The following CDH13 variants were observed in gnomAD, a reference collection of about 807,000 sequenced individuals.
The protein encoded by CDH13 is cadherin-13.
A neutral mutation model predicts 63.8 loss-of-function variants in CDH13; 24 were observed. The ratio of observed to expected loss-of-function variants is 0.38; its 90% CI spans 0.27 to 0.53. The LOEUF is 0.53. Ranked by LOEUF, CDH13 falls within the 20% of genes least tolerant of loss-of-function variation. CDH13 has a pLI of 0.85. For missense variants in CDH13, 1,049 were observed against 903.1 expected (o/e 1.16, Z -2.07); for synonymous variants, 503 against 355.3 (o/e 1.42, Z -4.67).
At chr16:83,335,900 T>A (rs1428158552) in intron 5 of CDH13, among the ~76,000 whole-genome samples, 1 of 152,120 alleles carries the variant, frequency 6.6e-6, no homozygotes, top group Non-Finnish European at 1.5e-5. Context: ...GAGACAGGAA[T>A]CTTGCCGATG....
chr16:83,473,984 A>C (rs555788627), intron 6 of CDH13, among the ~76,000 whole-genome samples: 1 of 151,460 alleles, frequency 6.6e-6, no homozygotes, highest in Admixed American at 6.6e-5. Context: ...GCTCCCCATC[A>C]CTCCTGCACC....
At chr16:83,125,838 A>G (rs1315096742) in intron 4 of CDH13, among the ~76,000 whole-genome samples, 1 of 152,184 alleles carries the variant, frequency 6.6e-6, no homozygotes, top group Non-Finnish European at 1.5e-5. Flanking sequence ...GGATGGTAGT[A>G]TGTTGACATG....
chr16:82,937,238 G>C (rs912901995), intron 2 of CDH13, among the ~76,000 whole-genome samples: 2 of 152,108 alleles, frequency 1.3e-5, no homozygotes, highest in Non-Finnish European at 1.5e-5. Context: ...CATGCTAGGT[G>C]CTAGCCTCAC....
chr16:83,030,451 G>A (rs1459377654), intron 2 of CDH13, among the ~76,000 whole-genome samples: 1 of 151,890 alleles, frequency 6.6e-6, no homozygotes, highest in Non-Finnish European at 1.5e-5. Flanking sequence ...AGACCAGTCT[G>A]GCCAACATGG....
At chr16:82,668,611 C>T (rs1026118391) in intron 1 of CDH13, among the ~76,000 whole-genome samples, 1 of 152,146 alleles carries the variant, frequency 6.6e-6, no homozygotes, top group Non-Finnish European at 1.5e-5. Context: ...GTTTGAGGCC[C>T]TGTCTTTTAT....
intron 4 of CDH13, among the ~76,000 whole-genome samples, chr16:83,130,626 G>A (rs564772208): frequency 6.3e-4 from 96 of 152,268 alleles, no homozygotes; most frequent in Non-Finnish European, 1.1e-3. Context: ...CAATTCTTTC[G>A]AGTTTTCTCT....
intron 7 of CDH13, among the ~76,000 whole-genome samples, chr16:83,595,595 A>G (rs1484484779): frequency 6.6e-6 from 1 of 152,356 alleles, no homozygotes; most frequent in South Asian, 2.1e-4. Context: ...GCTTTGAGCT[A>G]TATAGTCATT....
chr16:82,786,496 T>TTGTG lies in CDH13; in HGVS notation c.46-71850_46-71847dup, dbSNP rs61029619. 1.4e-3 allele frequency among the ~76,000 whole-genome samples: 204 copies of TTGTG among 148,568 alleles called. 3 individuals carry two copies. The highest frequency in any genetic ancestry group is 0.012 in the Admixed American group (173 of 14,858). On this transcript the variant is annotated intron_variant, in intron 1 of 13. Coordinates refer to ENST00000567109, the MANE Select transcript of CDH13 (RefSeq NM_001257.5). ...TGCCTTTTTGGTTTTTCTTCTTCTT[T>TTGTG]TGTGTGTGTGTGTGTGTGTTTTATT...
At chr16:82,890,885 C>G (rs1051387106) in intron 2 of CDH13, among the ~76,000 whole-genome samples, 1 of 152,030 alleles carries the variant, frequency 6.6e-6, no homozygotes, top group Non-Finnish European at 1.5e-5. Flanking sequence ...CTCCTGACCT[C>G]CAGTGATCTG....
chr16:83,221,641 G>C (rs545602359), intron 5 of CDH13, among the ~76,000 whole-genome samples: 10 of 151,052 alleles, frequency 6.6e-5, no homozygotes, highest in African/African-American at 1.7e-4. Flanking sequence ...TCTGTTAGGC[G>C]AGTGGGGGAG....
intron 6 of CDH13, among the ~76,000 whole-genome samples, chr16:83,451,360 G>C (rs1250534814): frequency 2.0e-5 from 3 of 152,106 alleles, no homozygotes; most frequent in African/African-American, 7.2e-5. Context: ...GATCTCATGA[G>C]ACTTATTCCC....
intron 2 of CDH13, among the ~76,000 whole-genome samples, chr16:82,886,679 C>T (rs548829777): frequency 6.6e-6 from 1 of 151,998 alleles, no homozygotes; most frequent in South Asian, 2.1e-4. Flanking sequence ...AATTGGACAC[C>T]GGCTCCATGC....
intron 6 of CDH13, among the ~76,000 whole-genome samples, chr16:83,461,649 G>A (rs1183579728): frequency 6.6e-6 from 1 of 152,194 alleles, no homozygotes; most frequent in Non-Finnish European, 1.5e-5. Flanking sequence ...TGATCATCCT[G>A]CAACAGCTAG....
intron 7 of CDH13, among the ~76,000 whole-genome samples, chr16:83,501,925 A>T (rs1045574379): frequency 7.9e-5 from 12 of 152,242 alleles, no homozygotes; most frequent in Admixed American, 5.2e-4. Flanking sequence ...TAGAAAGCCC[A>T]TGTGGTACAG....
intron 2 of CDH13, among the ~76,000 whole-genome samples, chr16:82,882,540 G>C (rs370597554): frequency 2.0e-5 from 3 of 152,312 alleles, no homozygotes; most frequent in South Asian, 4.1e-4. Flanking sequence ...ATCAGAATGT[G>C]TTCCTTCATT....
chr16:82,969,814 C>G (rs1241314040), intron 2 of CDH13, among the ~76,000 whole-genome samples: 1 of 152,162 alleles, frequency 6.6e-6, no homozygotes, highest in Non-Finnish European at 1.5e-5. Context: ...TGGACTGCCA[C>G]AGCCAAAAAC....
chr16:82,952,824 A>T (rs1905486925), intron 2 of CDH13, among the ~76,000 whole-genome samples: 1 of 152,204 alleles, frequency 6.6e-6, no homozygotes, highest in African/African-American at 2.4e-5. Context: ...AGAAGAACTG[A>T]CACCCTGTCT....
intron 7 of CDH13, among the ~76,000 whole-genome samples, chr16:83,602,098 G>GAAA (rs1907866119): frequency 3.0e-4 from 2 of 6,638 alleles, no homozygotes; most frequent in Non-Finnish European, 5.1e-4. Flanking sequence ...AAAAAAAAAA[G>GAAA]AACAACAACA....
chr16:83,321,383 T>G (rs1308265995), intron 5 of CDH13, among the ~76,000 whole-genome samples: 1 of 152,160 alleles, frequency 6.6e-6, no homozygotes, highest in Non-Finnish European at 1.5e-5. Flanking sequence ...TCACCCTTCA[T>G]TGGCATCGGA....
Sources: gnomAD v4.1 joint callset for allele counts (sites outside exome capture counted in the v4.1 genomes callset) on GRCh38, gnomAD v4.1.1 for gene constraint, MANE v1.5 for transcripts, NCBI Gene and HGNC (gene_info 2026-07-23, HGNC 2026-07-21) for gene names.